ATF6: variants seen among roughly 807,000 people sequenced by gnomAD.
ATF6 encodes the protein cyclic AMP-dependent transcription factor ATF-6 alpha.
ATF6 carries 53 observed loss-of-function variants against 83.6 expected under a neutral mutation model. The ratio of observed to expected loss-of-function variants is 0.63; its 90% CI spans 0.51 to 0.80. ATF6 has a LOEUF of 0.80. Among genes scored for constraint, ATF6 ranks in the 30% least tolerant of loss-of-function variants. The pLI is 0.00. For missense variants in ATF6, 744 were observed against 797.9 expected (o/e 0.93, Z 0.81); for synonymous variants, 288 against 285.8 (o/e 1.01, Z -0.08).
At chr1:161,896,590 G>A (rs181555341) in intron 14 of ATF6, among the ~76,000 whole-genome samples, 37 of 152,164 alleles carry the variant, frequency 2.4e-4, no homozygotes, top group Non-Finnish European at 4.9e-4. Context: ...TTCCTTATTG[G>A]TGAAAACCTA....
chr1:161,811,218 A>G (rs903057927), intron 7 of ATF6, among the ~76,000 whole-genome samples: 8 of 152,234 alleles, frequency 5.3e-5, no homozygotes, highest in African/African-American at 1.7e-4. Context: ...TAAAAATGAA[A>G]GTATCAATGG....
chr1:161,869,623 G>T (rs1265597642), intron 14 of ATF6, among the ~76,000 whole-genome samples: 1 of 151,630 alleles, frequency 6.6e-6, no homozygotes, highest in Admixed American at 6.6e-5. Context: ...TCTTTTAGAA[G>T]GCTTTTTAAA....
Position 161,802,359 on chromosome 1 carries a change from T to G in ATF6, c.909+87T>G, listed in dbSNP as rs574228104. On this transcript the variant is annotated intron_variant, in intron 7 of 15. Coordinates refer to ENST00000367942, the MANE Select transcript of ATF6 (RefSeq NM_007348.4). ...TTTTGCTTTTGTTGCCTTGTTTTTGTTTTTTTTAGAGTTTCTTATATTGCA... is the reference window on the plus strand; with the variant it reads ...TTTTGCTTTTGTTGCCTTGTTTTTGGTTTTTTTAGAGTTTCTTATATTGCA... 2.5e-6 allele frequency: 3 copies of G among 1,207,530 alleles called. No homozygotes were observed. In the African/African-American group the frequency reaches 4.6e-5, roughly 18 times the overall value. The allele number at this position is 1,207,530 out of a possible 1,614,324, so 74.8% of individuals were successfully genotyped here.
intron 6 of ATF6, among the ~76,000 whole-genome samples, chr1:161,799,123 C>T (rs967848984): frequency 7.2e-5 from 11 of 152,080 alleles, no homozygotes; most frequent in African/African-American, 2.2e-4. Flanking sequence ...TAAAGACACA[C>T]GCACACATAT....
chr1:161,769,252 C>A (rs1197438620), intron 1 of ATF6, among the ~76,000 whole-genome samples: 1 of 152,130 alleles, frequency 6.6e-6, no homozygotes, highest in African/African-American at 2.4e-5. Context: ...AATAATAAGC[C>A]TACTTTTTTA....
chr1:161,819,863 CTCTGGATTAATAAA>C, intron 8 of ATF6, 45 bp downstream of exon 8: 1 of 1,467,168 alleles, frequency 6.8e-7, no homozygotes, highest in Non-Finnish European at 9.1e-7. Flanking sequence ...CTAAAGTATC[CTCTGGATTAATAAA>C]TAGAGAAACT....
chr1:161,926,369 G>C (rs747646018), intron 15 of ATF6, among the ~76,000 whole-genome samples: 1 of 152,066 alleles, frequency 6.6e-6, no homozygotes, highest in Non-Finnish European at 1.5e-5. Flanking sequence ...TTCTGCTTCC[G>C]GATCTCTCTT....
chr1:161,780,438 A>G (rs1684607492), intron 2 of ATF6, among the ~76,000 whole-genome samples: 2 of 151,548 alleles, frequency 1.3e-5, no homozygotes, highest in African/African-American at 2.4e-5. Flanking sequence ...CAGTGGCGCA[A>G]TCTCGGCTCA....
Position 161,781,217 on chromosome 1 carries a change from A to G in ATF6, c.160-695A>G, listed in dbSNP as rs188347493. Among the ~76,000 whole-genome samples the G allele has an allele frequency of 1.3e-3, 193 of 152,330 alleles. No individual in the cohort carries two copies. In the Middle Eastern group the frequency reaches 0.014, roughly 11 times the overall value. ...AGAATATGCTTATATTTTGGTTAGA[A>G]AAACCACCTAAATGAAAAGAACTTA... On this transcript the variant is annotated intron_variant, in intron 2 of 15. Transcript: ENST00000367942.
chr1:161,812,201 A>T (rs1454561848), intron 7 of ATF6, among the ~76,000 whole-genome samples: 1 of 152,112 alleles, frequency 6.6e-6, no homozygotes, highest in African/African-American at 2.4e-5. Context: ...TGAGGAATAC[A>T]GAGTAAGGAA....
At chr1:161,869,268 TGTTTA>T (rs908569696) in intron 14 of ATF6, among the ~76,000 whole-genome samples, 34 of 152,178 alleles carry the variant, frequency 2.2e-4, no homozygotes, top group African/African-American at 7.5e-4. Context: ...TAGAAATTTA[TGTTTA>T]GTTTATATGC....
chr1:161,870,797 A>G (rs1343268951), intron 14 of ATF6, among the ~76,000 whole-genome samples: 1 of 151,828 alleles, frequency 6.6e-6, no homozygotes, highest in Admixed American at 6.6e-5. Flanking sequence ...ATAGCCACAA[A>G]CAGAGAACTT....
At chr1:161,804,202 A>G (rs1282536143) in intron 7 of ATF6, among the ~76,000 whole-genome samples, 1 of 152,154 alleles carries the variant, frequency 6.6e-6, no homozygotes, top group East Asian at 1.9e-4. Flanking sequence ...AATGAAACTT[A>G]TAATAGAAAA....
At chr1:161,806,449 C>T (rs1364650508) in intron 7 of ATF6, among the ~76,000 whole-genome samples, 1 of 152,178 alleles carries the variant, frequency 6.6e-6, no homozygotes, top group Non-Finnish European at 1.5e-5. Flanking sequence ...TAAAATTCTA[C>T]ATCTTCCACA....
intron 14 of ATF6, among the ~76,000 whole-genome samples, chr1:161,901,672 C>T (rs546515936): frequency 9.2e-5 from 14 of 152,086 alleles, no homozygotes; most frequent in Admixed American, 7.2e-4. Context: ...TAAGTAGTTG[C>T]AAAGGGAAGG....
rs1320928969 is a variant in ATF6 at position 161,949,742 on chromosome 1, A to G, written c.1805-8704A>G. 1.3e-5 allele frequency among the ~76,000 whole-genome samples: 2 copies of G among 152,184 alleles called. 1 individual carries two copies. Among genetic ancestry groups the G allele is most frequent in the Admixed American group, 1.3e-4 (2 of 15,272 alleles). On this transcript the variant is annotated intron_variant, in intron 15 of 15. Coordinates refer to ENST00000367942, the MANE Select transcript of ATF6 (RefSeq NM_007348.4). Reference sequence around the variant, plus strand: ...TTTTTAACAACCAGCTCCCATGGGAACTAATAAATCAAGAACTCGCTCACC... The same window carrying G: ...TTTTTAACAACCAGCTCCCATGGGAGCTAATAAATCAAGAACTCGCTCACC...
intron 14 of ATF6, among the ~76,000 whole-genome samples, chr1:161,903,447 T>C (rs1265549369): frequency 6.6e-6 from 1 of 152,196 alleles, no homozygotes; most frequent in Non-Finnish European, 1.5e-5. Flanking sequence ...CATGTGTGCC[T>C]GTCATCCTTT....
intron 15 of ATF6, among the ~76,000 whole-genome samples, chr1:161,946,351 C>T (rs574482681): frequency 6.6e-6 from 1 of 152,252 alleles, no homozygotes; most frequent in East Asian, 1.9e-4. Flanking sequence ...GGGAAGAATT[C>T]TCTTTGATTT....
intron 13 of ATF6, among the ~76,000 whole-genome samples, chr1:161,861,064 A>G (rs1686876028): frequency 6.6e-6 from 1 of 152,158 alleles, no homozygotes; most frequent in Admixed American, 6.6e-5. Context: ...CACAGAGTTG[A>G]TATAATGGTT....
Sources: gnomAD v4.1 joint callset for allele counts (sites outside exome capture counted in the v4.1 genomes callset) on GRCh38, gnomAD v4.1.1 for gene constraint, MANE v1.5 for transcripts, NCBI Gene and HGNC (gene_info 2026-07-23, HGNC 2026-07-21) for gene names.